Variants in RANBP2 observed in about 807,000 individuals in gnomAD.
RANBP2 encodes E3 SUMO-protein ligase RanBP2.
In RANBP2, 57 loss-of-function variants were observed where a neutral mutation model predicts 303.6. That is an observed-to-expected ratio of 0.19 (90% CI 0.15 to 0.23). The LOEUF (loss-of-function observed/expected upper bound fraction) is 0.23. Ranked by LOEUF, RANBP2 falls within the 10% of genes least tolerant of loss-of-function variation. The pLI is 1.00. For synonymous variants in RANBP2, 1,167 were observed against 1,301.5 expected (o/e 0.90, Z 2.23); for missense variants, 3,138 against 3,780.8 (o/e 0.83, Z 4.46).
chr2:109,555,386 T>C, the RANBP2 span, among the ~76,000 whole-genome samples: 64 of 152,270 alleles, frequency 4.2e-4, no homozygotes, highest in African/African-American at 1.4e-3. Context: ...CTGTCCACCT[T>C]CTACCCCCAT....
the RANBP2 span, among the ~76,000 whole-genome samples, chr2:109,799,259 A>AG: frequency 1.5e-5 from 2 of 136,410 alleles, no homozygotes; most frequent in South Asian, 2.4e-4. Context: ...AAAAAAAGGA[A>AG]GGGGGGAACA....
the RANBP2 span, among the ~76,000 whole-genome samples, chr2:109,126,270 A>G: frequency 2.0e-5 from 3 of 152,164 alleles, no homozygotes; most frequent in Non-Finnish European, 2.9e-5. Context: ...GGTAAAGTGG[A>G]GAGAGAAGAA....
At chr2:109,478,846 TCTCAAAA>T in the RANBP2 span, among the ~76,000 whole-genome samples, 2 of 152,136 alleles carry the variant, frequency 1.3e-5, no homozygotes, top group African/African-American at 4.8e-5. Context: ...TAACAAATCA[TCTCAAAA>T]CTCAGTGGCT....
chr2:109,761,633 C>T, the RANBP2 span, among the ~76,000 whole-genome samples: 1 of 147,952 alleles, frequency 6.8e-6, no homozygotes, highest in Non-Finnish European at 1.5e-5. Flanking sequence ...CTTATTCCCC[C>T]TTCTTTCTCT....
chr2:109,482,626 C>T, the RANBP2 span, among the ~76,000 whole-genome samples: 5 of 152,190 alleles, frequency 3.3e-5, no homozygotes, highest in African/African-American at 7.2e-5. Context: ...TGCTCTTCAC[C>T]ATCGTTTTGA....
At chr2:109,255,089 G>A in the RANBP2 span, among the ~76,000 whole-genome samples, 9 of 152,188 alleles carry the variant, frequency 5.9e-5, no homozygotes, top group Non-Finnish European at 8.8e-5. Context: ...GGTGGTACCC[G>A]TGTCATGGTG....
chr2:109,479,272 A>G, the RANBP2 span, among the ~76,000 whole-genome samples: 1 of 152,086 alleles, frequency 6.6e-6, no homozygotes, highest in Non-Finnish European at 1.5e-5. Flanking sequence ...CAGGGTGGGG[A>G]CACGGTCCTG....
chr2:109,600,837 C>A, the RANBP2 span, among the ~76,000 whole-genome samples: 1 of 152,268 alleles, frequency 6.6e-6, no homozygotes, highest in African/African-American at 2.4e-5. Flanking sequence ...AGGGTCCCCA[C>A]AACCCCCATC....
chr2:109,566,912 T>C, the RANBP2 span, among the ~76,000 whole-genome samples: 1 of 152,216 alleles, frequency 6.6e-6, no homozygotes, highest in Non-Finnish European at 1.5e-5. Context: ...ATTTAGTTTC[T>C]TAATGGTGGC....
chr2:109,657,999 C>T, the RANBP2 span, among the ~76,000 whole-genome samples: 7 of 151,676 alleles, frequency 4.6e-5, no homozygotes, highest in East Asian at 2.0e-4. Context: ...GGATTACAGG[C>T]GTGAGCCACC....
the RANBP2 span, among the ~76,000 whole-genome samples, chr2:109,424,784 G>T: frequency 6.6e-6 from 1 of 152,030 alleles, no homozygotes; most frequent in African/African-American, 2.4e-5. Flanking sequence ...TCTCTCCCCA[G>T]GCCTACCTTT....
At chr2:109,619,104 C>A in the RANBP2 span, 1 of 163,478 alleles carries the variant, frequency 6.1e-6, no homozygotes, top group African/African-American at 2.4e-5. Context: ...CTTTTCCTAT[C>A]CCTTAAGATT....
chr2:109,544,342 C>A, the RANBP2 span: 1 of 1,579,242 alleles, frequency 6.3e-7, no homozygotes, highest in Non-Finnish European at 8.5e-7. Context: ...GAAAAAGAAC[C>A]TTTTGATTGG....
the RANBP2 span, among the ~76,000 whole-genome samples, chr2:109,527,513 C>T: frequency 3.3e-5 from 5 of 152,164 alleles, no homozygotes; most frequent in Admixed American, 6.5e-5. Flanking sequence ...AGAGGAATAA[C>T]GCAGGCCCTG....
chr2:109,110,021 C>G, the RANBP2 span, among the ~76,000 whole-genome samples: 1 of 152,300 alleles, frequency 6.6e-6, no homozygotes, highest in East Asian at 1.9e-4. Flanking sequence ...CACACGGAAC[C>G]TCTCCTCTCA....
the RANBP2 span, among the ~76,000 whole-genome samples, chr2:108,837,285 G>A: frequency 6.6e-6 from 1 of 152,114 alleles, no homozygotes; most frequent in Non-Finnish European, 1.5e-5. Context: ...TTTGTCAATT[G>A]AAATAATCGT....
chr2:108,812,938 A>G, the RANBP2 span: 1 of 1,611,492 alleles, frequency 6.2e-7, no homozygotes, highest in Non-Finnish European at 8.5e-7. Context: ...GTAAGTTTGA[A>G]TTATGATTTG....
the RANBP2 span, among the ~76,000 whole-genome samples, chr2:109,106,014 C>T: frequency 2.6e-5 from 4 of 151,718 alleles, no homozygotes; most frequent in East Asian, 1.9e-4. Flanking sequence ...CCACCATGCC[C>T]GGCTAATTTT....
the RANBP2 span, among the ~76,000 whole-genome samples, chr2:109,428,045 C>G: frequency 5.9e-5 from 9 of 152,244 alleles, no homozygotes; most frequent in Non-Finnish European, 1.3e-4. Context: ...CCCCTGGCCT[C>G]CAGTGCAGCC....
Sources: gnomAD v4.1 joint callset for allele counts (sites outside exome capture counted in the v4.1 genomes callset) on GRCh38, gnomAD v4.1.1 for gene constraint, MANE v1.5 for transcripts, NCBI Gene and HGNC (gene_info 2026-07-23, HGNC 2026-07-21) for gene names.